Variants in GBF1 observed in about 807,000 individuals in gnomAD.
The protein encoded by GBF1 is golgi brefeldin A resistant guanine nucleotide exchange factor 1.
In GBF1, 114 loss-of-function variants were observed where a neutral mutation model predicts 210.5. The observed-to-expected ratio is 0.54, with a 90% CI of 0.47 to 0.63. GBF1 has a LOEUF of 0.63. Ranked by LOEUF, GBF1 falls within the 30% of genes least tolerant of loss-of-function variation. The pLI is 0.00. For synonymous variants in GBF1, 850 were observed against 889.2 expected (o/e 0.96, Z 0.78); for missense variants, 1,851 against 2,357.7 (o/e 0.79, Z 4.45).
At position 102,300,390 on chromosome 10, in the gene GBF1, T is replaced by G. The variant is rs538531269; in HGVS notation, c.163+40274T>G. Among the ~76,000 whole-genome samples, 14 of 152,214 alleles carry G rather than the reference T, an allele frequency of 9.2e-5. No homozygotes were observed. In the South Asian group the frequency reaches 2.7e-3, roughly 29 times the overall value. On this transcript the variant is annotated intron_variant, in intron 3 of 39. Coordinates refer to ENST00000369983, the MANE Select transcript of GBF1 (RefSeq NM_001377137.1). ...GTGATAGCAGTAGGGCAAGCATTAT[T>G]CAACAGCTAAAAAAAAAGTTAAGGT...
At chr10:102,364,469 C>A (rs1204869763) in intron 17 of GBF1, among the ~76,000 whole-genome samples, 1 of 150,316 alleles carries the variant, frequency 6.7e-6, no homozygotes, top group Non-Finnish European at 1.5e-5. Flanking sequence ...CGTGATCTGC[C>A]CACCTTGGCC....
At chr10:102,306,547 C>A (rs2133908391) in intron 3 of GBF1, among the ~76,000 whole-genome samples, 1 of 152,334 alleles carries the variant, frequency 6.6e-6, no homozygotes, top group African/African-American at 2.4e-5. Context: ...CCTCAGCCTC[C>A]CGAGTAGCTG....
chr10:102,318,083 T>C (rs1027756089), intron 3 of GBF1, among the ~76,000 whole-genome samples: 2 of 151,848 alleles, frequency 1.3e-5, no homozygotes, highest in African/African-American at 4.8e-5. Context: ...TAATTTTTTG[T>C]ATTTTTAGTA....
rs1306822769 is a variant in GBF1 at position 102,286,207 on chromosome 10, T to G, written c.163+26091T>G. Among the ~76,000 whole-genome samples the G allele has an allele frequency of 9.9e-5, 15 of 152,098 alleles. No homozygotes were observed. In the South Asian group the frequency reaches 2.3e-3, roughly 23 times the overall value. ...AAAAGCATAAGGGTTTTTTTTTTTT[T>G]TTTTTTTTTTCTGTCTTTCTTTCTC... On this transcript the variant is annotated intron_variant, in intron 3 of 39. Transcript: ENST00000369983.
chr10:102,359,065 C>T, intron 10 of GBF1: 1 of 600,812 alleles, frequency 1.7e-6, no homozygotes, highest in Non-Finnish European at 3.0e-6. Flanking sequence ...CATTGTAGGT[C>T]AGTGAAGCCT....
chr10:102,289,170 G>A (rs1006099036), intron 3 of GBF1, among the ~76,000 whole-genome samples: 1 of 151,690 alleles, frequency 6.6e-6, no homozygotes, highest in Non-Finnish European at 1.5e-5. Context: ...CAAGCAAGTC[G>A]ATAGCCACAG....
upstream of GBF1, among the ~76,000 whole-genome samples, chr10:102,242,928 C>A (rs1211770336): frequency 9.1e-4 from 120 of 132,362 alleles, no homozygotes; most frequent in Middle Eastern, 4.2e-3. Flanking sequence ...GACTCTGTCT[C>A]AAAAAAAAAA....
chr10:102,276,138 G>A (rs950892067), intron 3 of GBF1, among the ~76,000 whole-genome samples: 1 of 152,172 alleles, frequency 6.6e-6, no homozygotes, highest in Non-Finnish European at 1.5e-5. Context: ...TGGGGAGGCT[G>A]AGGCAGGAGA....
At position 102,358,509 on chromosome 10, in the gene GBF1, G is replaced by T. The variant is rs1039189545; in HGVS notation, c.791G>T (p.Gly264Val). 2 of 1,609,630 alleles carry T rather than the reference G, an allele frequency of 1.2e-6. No individual in the cohort carries two copies. Among genetic ancestry groups the T allele is most frequent in the Non-Finnish European group, 1.7e-6 (2 of 1,176,058 alleles). ...GTTLSSNLTG[G>V]MPFIDVPTPI... ...CGTCACATACTTTTCTTGGCAGGTG[G>T]CATGCCCTTCATTGATGTGCCCACT... Residue 264 changes from glycine to valine, a missense_variant, in exon 10 of 40, where the codon GGC becomes GTC. Physicochemically the swap from Gly to Val is moderately radical, Grantham distance 109. Coordinates refer to ENST00000369983, the MANE Select transcript of GBF1 (RefSeq NM_001377137.1).
chr10:102,263,532 T>G (rs2073481748), intron 3 of GBF1, among the ~76,000 whole-genome samples: 1 of 152,234 alleles, frequency 6.6e-6, no homozygotes, highest in Non-Finnish European at 1.5e-5. Context: ...TTGGACATTG[T>G]CAGTAAACCA....
At chr10:102,237,945 C>A in the GBF1 span, among the ~76,000 whole-genome samples, 1 of 151,684 alleles carries the variant, frequency 6.6e-6, no homozygotes, top group African/African-American at 2.4e-5. Context: ...AGGCTTGTAT[C>A]CAGGGGTGTG....
chr10:102,243,641 GT>G (rs1434195198), upstream of GBF1, among the ~76,000 whole-genome samples: 1 of 152,174 alleles, frequency 6.6e-6, no homozygotes, highest in Non-Finnish European at 1.5e-5. Flanking sequence ...CCAACTCTCA[GT>G]TTTCAAATGA....
chr10:102,247,208 C>A (rs2070952108), intron 1 of GBF1, among the ~76,000 whole-genome samples: 1 of 152,134 alleles, frequency 6.6e-6, no homozygotes, highest in Non-Finnish European at 1.5e-5. Context: ...ATTTTTCCTA[C>A]CTTTGTCCTT....
At position 102,358,572 on chromosome 10, in the gene GBF1, T is replaced by C; in HGVS notation, c.854T>C (p.Val285Ala). The C allele has an allele frequency of 6.2e-7, 1 of 1,613,738 alleles. No homozygotes were observed. The change falls in exon 10 of 40, where the codon GTG becomes GCG. Residue 285 changes from valine to alanine, a missense_variant. Physicochemically the swap from Val to Ala is moderately conservative, Grantham distance 64 (BLOSUM62 0). This residue lies in a region of GBF1 where 804 missense variants were observed against 958.6 expected (regional missense o/e 0.84). Coordinates refer to ENST00000369983, the MANE Select transcript of GBF1 (RefSeq NM_001377137.1). The stretch of plus-strand genomic sequence containing the variant: ...GCAAGTTCAGAAGCTGCCTCAGCAG[T>C]GGTCAGTCCCTCTACAGACAGTGGC... ...SSASSEAASAVVSPSTDSGLE... is the reference protein window; with the variant it reads ...SSASSEAASAAVSPSTDSGLE...
intron 3 of GBF1, among the ~76,000 whole-genome samples, chr10:102,307,785 C>T (rs765959351): frequency 4.6e-5 from 7 of 151,798 alleles, no homozygotes; most frequent in African/African-American, 7.3e-5. Flanking sequence ...CAGAGCAAGA[C>T]GCCGTCTCAA....
At chr10:102,252,121 C>T (rs757118820) in intron 1 of GBF1, among the ~76,000 whole-genome samples, 2 of 151,940 alleles carry the variant, frequency 1.3e-5, no homozygotes, top group Non-Finnish European at 2.9e-5. Flanking sequence ...GGGCAGATCA[C>T]CTGAGGCCGG....
chr10:102,369,104 C>A, intron 23 of GBF1, 107 bp from the exon 24 acceptor site: 2 of 831,452 alleles, frequency 2.4e-6, no homozygotes, highest in Non-Finnish European at 4.0e-6. Flanking sequence ...GGGATTGAAG[C>A]AGAGCCAACA....
intron 1 of GBF1, among the ~76,000 whole-genome samples, chr10:102,245,996 CT>C (rs1309180607): frequency 6.6e-6 from 1 of 152,196 alleles, no homozygotes; most frequent in Non-Finnish European, 1.5e-5. Flanking sequence ...GCGATTTCTG[CT>C]CTCATTACTG....
intron 8 of GBF1, among the ~76,000 whole-genome samples, chr10:102,357,724 G>A (rs534728666): frequency 6.6e-6 from 1 of 152,062 alleles, no homozygotes; most frequent in Non-Finnish European, 1.5e-5. Flanking sequence ...CATAGGGCTC[G>A]GGATTTCCTG....
Sources: gnomAD v4.1 joint callset for allele counts (sites outside exome capture counted in the v4.1 genomes callset) on GRCh38, gnomAD v4.1.1 for gene constraint, gnomAD v4.1.1 regional missense constraint, MANE v1.5 for transcripts, NCBI Gene and HGNC (gene_info 2026-07-23, HGNC 2026-07-21) for gene names.